CLEC16A: variants seen among roughly 807,000 people sequenced by gnomAD.
CLEC16A encodes protein CLEC16A.
In CLEC16A, 51 loss-of-function variants were observed where a neutral mutation model predicts 109.5. The observed-to-expected ratio is 0.47, with a 90% CI of 0.37 to 0.59. The LOEUF (loss-of-function observed/expected upper bound fraction) is 0.59. CLEC16A is among the 20% of genes least tolerant of loss of function. The pLI is 0.00. For synonymous variants in CLEC16A, 673 were observed against 564.2 expected (o/e 1.19, Z -2.73); for missense variants, 1,339 against 1,394.0 (o/e 0.96, Z 0.63).
At chr16:10,963,069 A>C (rs75225184) in intron 3 of CLEC16A, among the ~76,000 whole-genome samples, 3,336 of 152,232 alleles carry the variant, frequency 0.022, 55 homozygotes, top group Non-Finnish European at 0.032. Context: ...ACAACAACAA[A>C]AAAAAAAGTT....
intron 22 of CLEC16A, among the ~76,000 whole-genome samples, chr16:11,155,014 A>G (rs2054452091): frequency 6.6e-6 from 1 of 150,970 alleles, no homozygotes; most frequent in East Asian, 2.0e-4. Flanking sequence ...TCCCAGCTAC[A>G]CGGGAGGCTG....
chr16:11,075,428 A>ATG (rs112426314), intron 19 of CLEC16A, among the ~76,000 whole-genome samples: 2,757 of 107,950 alleles, frequency 0.026, 59 homozygotes, highest in African/African-American at 0.07. Flanking sequence ...GTGTGTGTGT[A>ATG]TGTGTGTGTG....
chr16:11,100,304 C>G (rs755722650), intron 19 of CLEC16A, among the ~76,000 whole-genome samples: 1 of 152,192 alleles, frequency 6.6e-6, no homozygotes, highest in Non-Finnish European at 1.5e-5. Context: ...CTCTCTTTCA[C>G]CTTTCCCTTT....
intron 1 of CLEC16A, 65 bp downstream of exon 1, chr16:10,944,862 G>A: frequency 1.4e-6 from 2 of 1,450,664 alleles, no homozygotes; most frequent in South Asian, 2.5e-5. Context: ...CCGAGCTCCG[G>A]GTCGGGGCTC....
At chr16:11,176,689 G>C (rs755916890) in intron 23 of CLEC16A, among the ~76,000 whole-genome samples, 5 of 152,200 alleles carry the variant, frequency 3.3e-5, no homozygotes, top group Non-Finnish European at 7.3e-5. Context: ...AGTGAGCTAT[G>C]ATCATGCCAC....
chr16:11,178,422 G>T lies in CLEC16A; in HGVS notation c.2894G>T (p.Ser965Ile). Residue 965 changes from serine to isoleucine, a missense_variant, in exon 24 of 24, where the codon AGC (serine) becomes ATC (isoleucine). By Grantham distance (142) the Ser-to-Ile change is moderately radical. This residue lies in a region of CLEC16A where 1,061 missense variants were observed against 1,006.8 expected (regional missense o/e 1.05). Coordinates refer to ENST00000409790, the MANE Select transcript of CLEC16A (RefSeq NM_015226.3). The surrounding 1 kb of genome is among the most constrained non-coding windows in gnomAD (Gnocchi z 6.5). ...GAAACGGAAGCAGACTCTAAGCCCA[G>T]CAAGAACGTGGCCAGGAGCGCAGCC... ...VNETEADSKP[S>I]KNVARSAAVE... 6.2e-7 allele frequency: 1 copy of T among 1,613,690 alleles called. No individual in the cohort carries two copies. Among genetic ancestry groups the T allele is most frequent in the Non-Finnish European group, 8.5e-7 (1 of 1,179,892 alleles).
At chr16:11,115,141 C>G (rs528435074) in intron 19 of CLEC16A, among the ~76,000 whole-genome samples, 8 of 152,312 alleles carry the variant, frequency 5.3e-5, no homozygotes, top group African/African-American at 1.7e-4. Flanking sequence ...CCCATTGACA[C>G]TGACGTGTAT....
At chr16:11,109,077 C>A (rs2051399402) in intron 19 of CLEC16A, among the ~76,000 whole-genome samples, 1 of 138,418 alleles carries the variant, frequency 7.2e-6, no homozygotes, top group Admixed American at 7.5e-5. Context: ...CGCCACTGCA[C>A]TCCAGCCTGG....
At chr16:10,964,616 C>T (rs975861052) in intron 3 of CLEC16A, among the ~76,000 whole-genome samples, 2 of 152,208 alleles carry the variant, frequency 1.3e-5, no homozygotes, top group African/African-American at 4.8e-5. Flanking sequence ...CAACATCACC[C>T]TCAGTGTCCC....
rs147879798 is a variant in CLEC16A, at chr16:10,954,418, CT to C, written c.81-3359del. On this transcript the variant is annotated intron_variant, in intron 1 of 23. Transcript: ENST00000409790. This position sits in a 1 kb window ranked among gnomAD's most constrained non-coding sequence, Gnocchi z 4.2. ...AAGGGCCTTCTGGTAGTTACTAGGTCTTTTTCCCCCAGAAATTATTTAATAA... is the reference window on the plus strand; with the variant it reads ...AAGGGCCTTCTGGTAGTTACTAGGTCTTTTCCCCCAGAAATTATTTAATAA... Among the ~76,000 whole-genome samples, 433 of 152,272 alleles carry C rather than the reference CT, an allele frequency of 2.8e-3. 1 individual carries two copies. Among genetic ancestry groups the C allele is most frequent in the African/African-American group, 0.01 (416 of 41,546 alleles).
intron 1 of CLEC16A, among the ~76,000 whole-genome samples, chr16:10,952,924 T>C (rs1189199321): frequency 6.6e-6 from 1 of 152,214 alleles, no homozygotes; most frequent in Non-Finnish European, 1.5e-5. Context: ...GCTGTAAATA[T>C]CAGAATGTTA....
At chr16:11,107,197 A>G (rs1156728020) in intron 19 of CLEC16A, among the ~76,000 whole-genome samples, 4 of 151,978 alleles carry the variant, frequency 2.6e-5, no homozygotes, top group Admixed American at 1.3e-4. Flanking sequence ...CATTATCTAC[A>G]TACCTCATTG....
Position 11,178,335 on chromosome 16 carries a change from A to G in CLEC16A, c.2807A>G (p.Asp936Gly), listed in dbSNP as rs1294540063. Reference protein sequence around the residue: ...STPSTAQSPADAPMSPELPKP... With the variant: ...STPSTAQSPAGAPMSPELPKP... ...TTCCGGTTTTTCTCCCCCAATCCAG[A>G]TGCCCCCATGAGTCCAGAACTGCCT... Residue 936 changes from aspartate to glycine, a missense_variant and splice_region_variant, in exon 24 of 24, where the codon GAT (aspartate) becomes GGT (glycine). Physicochemically the swap from Asp to Gly is moderately conservative, Grantham distance 94. This residue lies in a region of CLEC16A where 1,061 missense variants were observed against 1,006.8 expected (regional missense o/e 1.05). Coordinates refer to ENST00000409790, the MANE Select transcript of CLEC16A (RefSeq NM_015226.3). This position sits in a 1 kb window ranked among gnomAD's most constrained non-coding sequence, Gnocchi z 6.5. The G allele has an allele frequency of 1.9e-6, 3 of 1,601,342 alleles. No homozygotes were observed. The highest frequency in any genetic ancestry group is 3.4e-5 in the Admixed American group (2 of 59,634).
rs897358625 is a variant in CLEC16A, at chr16:11,087,688, T to A, written c.2116+26666T>A. Among the ~76,000 whole-genome samples, 10 of 152,354 alleles carry A rather than the reference T, an allele frequency of 6.6e-5. No individual in the cohort carries two copies. The East Asian group carries it at 1.9e-3, about 29-fold the overall frequency. On this transcript the variant is annotated intron_variant, in intron 19 of 23. Coordinates refer to ENST00000409790, the MANE Select transcript of CLEC16A (RefSeq NM_015226.3). Reference sequence around the variant, plus strand: ...TTCCAGGAGGGTGGAGAATCAGATATGAATTATTTCTCACAATCACCAGGA... The same window carrying A: ...TTCCAGGAGGGTGGAGAATCAGATAAGAATTATTTCTCACAATCACCAGGA...
chr16:11,027,701 G>A, intron 13 of CLEC16A: 2 of 1,581,002 alleles, frequency 1.3e-6, no homozygotes, highest in Non-Finnish European at 1.7e-6. Flanking sequence ...GCTTCCTCAA[G>A]GAGATGGGCA....
At chr16:11,153,513 A>G (rs1343049992) in intron 22 of CLEC16A, among the ~76,000 whole-genome samples, 1 of 151,600 alleles carries the variant, frequency 6.6e-6, no homozygotes, top group African/African-American at 2.4e-5. Flanking sequence ...CAGATTAAAA[A>G]GGCTAAACAA....
intron 12 of CLEC16A, among the ~76,000 whole-genome samples, 158 bp downstream of exon 12, chr16:11,020,483 G>C (rs1000930475): frequency 2.0e-5 from 3 of 152,270 alleles, no homozygotes; most frequent in Non-Finnish European, 2.9e-5. Flanking sequence ...CCACCCAGAA[G>C]CATGGAGACG....
At position 11,156,581 on chromosome 16, in the gene CLEC16A, G is replaced by T. The variant is rs892728909; in HGVS notation, c.2642-9807G>T. 3.1e-6 allele frequency: 4 copies of T among 1,304,044 alleles called. No individual in the cohort carries two copies. The African/African-American group carries it at 6.1e-5, about 20-fold the overall frequency. The allele number at this position is 1,304,044 out of a possible 1,614,324, so 80.8% of individuals were successfully genotyped here. Reference sequence around the variant, plus strand: ...CTCCTGCTGCCGTTTCAGCCCTGCTGACTGCCGCAGTAGAGAGGCAGCCCA... The same window carrying T: ...CTCCTGCTGCCGTTTCAGCCCTGCTTACTGCCGCAGTAGAGAGGCAGCCCA... On this transcript the variant is annotated intron_variant, in intron 22 of 23. Transcript: ENST00000409790.
In CLEC16A at chr16:11,179,736, G is replaced by A. The variant is rs1286885169; in HGVS notation, c.*1046G>A. On this transcript the variant is annotated 3_prime_UTR_variant, in exon 24 of 24. Coordinates refer to ENST00000409790, the MANE Select transcript of CLEC16A (RefSeq NM_015226.3). ...CCCTCGACTGTGTGTGCCCACATGT[G>A]CCGAGAGATGGCCCAGAGCCAGTTC... 2 of 152,350 alleles carry A rather than the reference G, an allele frequency of 1.3e-5. No homozygotes were observed. The highest frequency in any genetic ancestry group is 4.8e-5 in the African/African-American group (2 of 41,456). 9.4% of individuals were successfully genotyped at this position (152,350 alleles called of 1,614,324 possible).
Sources: allele counts gnomAD v4.1 joint callset (sites outside exome capture counted in the v4.1 genomes callset), GRCh38; gene constraint gnomAD v4.1.1; regional missense constraint gnomAD v4.1.1; non-coding constraint Gnocchi (gnomAD v3.1); transcripts MANE v1.5; gene names NCBI Gene and HGNC (gene_info 2026-07-23, HGNC 2026-07-21).